CD164L2: variants seen among roughly 807,000 people sequenced by gnomAD.
CD164L2 encodes CD164 sialomucin-like 2 protein.
A neutral mutation model predicts 23.9 loss-of-function variants in CD164L2; 21 were observed. That is an observed-to-expected ratio of 0.88 (90% CI 0.62 to 1.27). The LOEUF is 1.27. CD164L2 is among the 50% of genes most tolerant of loss of function. The probability of loss-of-function intolerance (pLI) is 0.00; values close to 1 mark genes in which losing one functional copy is unlikely to be tolerated. For synonymous variants in CD164L2, 92 were observed against 90.2 expected (o/e 1.02, Z -0.11); for missense variants, 230 against 224.8 (o/e 1.02, Z -0.15).
chr1:27,380,038 G>T lies in CD164L2; in HGVS notation c.518+13C>A. The stretch of plus-strand genomic sequence containing the variant: ...GCTGGGACTCAGGTACTTGCTGCTG[G>T]CCAGGTACTCACAGCGTCTGGTAGG... On this transcript the variant is annotated intron_variant, in intron 5 of 5. Transcript: ENST00000374030. 6.2e-7 allele frequency: 1 copy of T among 1,612,900 alleles called. No individual in the cohort carries two copies. The highest frequency in any genetic ancestry group is 1.1e-5 in the South Asian group (1 of 90,942).
Position 27,379,441 on chromosome 1 carries a change from T to C in CD164L2, c.*62A>G. On this transcript the variant is annotated 3_prime_UTR_variant, in exon 6 of 6. Coordinates refer to ENST00000374030, the MANE Select transcript of CD164L2 (RefSeq NM_001330448.1). ...CCCGCCCCCCGCTTACCCACAAGGG[T>C]GCCCAGAGGCCACCCTCTGCATCCT... is the stretch of plus-strand genomic sequence containing the variant. 2 of 982,872 alleles carry C rather than the reference T, an allele frequency of 2.0e-6. No homozygotes were observed. The highest frequency in any genetic ancestry group is 3.0e-6 in the Non-Finnish European group (2 of 661,092). The allele number at this position is 982,872 out of a possible 1,614,324, so 60.9% of individuals were successfully genotyped here. A position where few individuals can be genotyped will look rare whatever the true frequency, so the allele number is the denominator to read the frequency against.
chr1:27,381,485 C>G (rs1423076562), intron 4 of CD164L2, among the ~76,000 whole-genome samples: 1 of 152,132 alleles, frequency 6.6e-6, no homozygotes, highest in African/African-American at 2.4e-5. Context: ...GGACAAGTCC[C>G]GAGGGGTGAC....
intron 1 of CD164L2, 76 bp downstream of exon 1, chr1:27,383,076 C>A: frequency 7.7e-7 from 1 of 1,294,662 alleles, no homozygotes; most frequent in Non-Finnish European, 1.1e-6. Context: ...CAGGCTGCTC[C>A]TGGGGAGACG....
In CD164L2 at chr1:27,379,355, G is replaced by T; in HGVS notation, c.*148C>A. ...GGACAGGAGGAGATGTCAGGCATCA[G>T]ACACTGAGCCTGCTTGGTGCCCGCA... On this transcript the variant is annotated 3_prime_UTR_variant, in exon 6 of 6. Transcript: ENST00000374030. The T allele has an allele frequency of 1.4e-6, 1 of 704,504 alleles. No individual in the cohort carries two copies. Among genetic ancestry groups the T allele is most frequent in the South Asian group, 1.7e-5 (1 of 60,490 alleles). 43.6% of individuals were successfully genotyped at this position (704,504 alleles called of 1,614,324 possible).
intron 5 of CD164L2, 140 bp downstream of exon 5, chr1:27,379,911 G>T: frequency 6.6e-7 from 1 of 1,516,298 alleles, no homozygotes; most frequent in Admixed American, 2.2e-5. Flanking sequence ...AAAGGGGTGT[G>T]GCTCACATGG....
rs770632263 is a variant in CD164L2 at position 27,381,815 on chromosome 1, T to C, written c.338A>G (p.His113Arg). 5 of 1,613,906 alleles carry C rather than the reference T, an allele frequency of 3.1e-6. No individual in the cohort carries two copies. In the African/African-American group the frequency reaches 5.3e-5, roughly 17 times the overall value. Residue 113 changes from histidine to arginine, a missense_variant, in exon 4 of 6, where the codon CAC (histidine) becomes CGC (arginine). Coordinates refer to ENST00000374030, the MANE Select transcript of CD164L2 (RefSeq NM_001330448.1). ...NRSEACPAAH[H>R]HPTYEPKTVT... is the part of the protein sequence containing the mutation. ...TGTCTTCGGTTCATAGGTGGGGTGG[T>C]GGTGAGCAGCTGAGGAGACAGGTGA...
At chr1:27,380,515 C>T (rs1463756392) in intron 4 of CD164L2, among the ~76,000 whole-genome samples, 3 of 152,210 alleles carry the variant, frequency 2.0e-5, no homozygotes, top group Admixed American at 6.5e-5. Context: ...TGGGCTCCCA[C>T]CCTCCCTGGG....
At chr1:27,382,217 C>T in intron 3 of CD164L2, 111 bp downstream of exon 3, 1 of 1,610,668 alleles carries the variant, frequency 6.2e-7, no homozygotes, top group South Asian at 1.1e-5. Flanking sequence ...ATACCGGGCC[C>T]AGGTATGGGT....
Position 27,382,534 on chromosome 1 carries a change from G to T in CD164L2, c.222C>A (p.Ser74Arg). 1 of 1,613,430 alleles carries T rather than the reference G, an allele frequency of 6.2e-7. No individual in the cohort carries two copies. Among genetic ancestry groups the T allele is most frequent in the Non-Finnish European group, 8.5e-7 (1 of 1,179,684 alleles). The change falls in exon 2 of 6, where the codon AGC becomes AGA. Residue 74 changes from serine to arginine, a missense_variant. Ser to Arg is a moderately radical substitution (Grantham distance 110). Coordinates refer to ENST00000374030, the MANE Select transcript of CD164L2 (RefSeq NM_001330448.1). ...CTGGCCGGCACTGCTCCCACACGCAGCTGGAGAGATTGCGCGCTCCGTCTC... is the reference window on the plus strand; with the variant it reads ...CTGGCCGGCACTGCTCCCACACGCATCTGGAGAGATTGCGCGCTCCGTCTC... ...VEGDGARNLSSCVWEQCRPEE... is the reference protein window; with the variant it reads ...VEGDGARNLSRCVWEQCRPEE...
chr1:27,379,594 G>A (rs1571096659), intron 5 of CD164L2, 85 bp from the exon 6 acceptor site: 2 of 1,550,274 alleles, frequency 1.3e-6, no homozygotes, highest in Admixed American at 3.9e-5. Context: ...GGCAGCAGAG[G>A]AAGAGCAAAC....
chr1:27,379,380 AGG>A lies in CD164L2; in HGVS notation c.*121_*122del. ...GACACTGAGCCTGCTTGGTGCCCGCAGGAGCCAAAAACTGGCGGCCAGAGTTT... is the reference window on the plus strand; with the variant it reads ...GACACTGAGCCTGCTTGGTGCCCGCAAGCCAAAAACTGGCGGCCAGAGTTT... On this transcript the variant is annotated 3_prime_UTR_variant, in exon 6 of 6. Coordinates refer to ENST00000374030, the MANE Select transcript of CD164L2 (RefSeq NM_001330448.1). 1 of 903,750 alleles carries A rather than the reference AGG, an allele frequency of 1.1e-6. No individual in the cohort carries two copies. The highest frequency in any genetic ancestry group is 1.5e-5 in the South Asian group (1 of 68,908). 56.0% of individuals were successfully genotyped at this position (903,750 alleles called of 1,614,324 possible). A position where few individuals can be genotyped will look rare whatever the true frequency, so the allele number is the denominator to read the frequency against.
In CD164L2 at chr1:27,382,392, A is replaced by T. The variant is rs1332667505; in HGVS notation, c.264T>A (p.Cys88Ter). 4 of 1,608,774 alleles carry T rather than the reference A, an allele frequency of 2.5e-6. No individual in the cohort carries two copies. The Admixed American group carries it at 6.7e-5, about 27-fold the overall frequency. Residue 88 changes from cysteine to a stop codon, truncating the protein, a stop_gained, in exon 3 of 6, where the codon TGT becomes TGA. Transcript: ENST00000374030. LOFTEE classifies it high-confidence loss of function. ...EQCRPEEPGH[C>*]VAQSEVVKEG... ...CCTTGACCACCTCAGATTGGGCCACACAGTGTCCTGGTGAGAGAAGGTGCA... is the reference window on the plus strand; with the variant it reads ...CCTTGACCACCTCAGATTGGGCCACTCAGTGTCCTGGTGAGAGAAGGTGCA...
chr1:27,382,774 C>T, intron 1 of CD164L2, 107 bp from the exon 2 acceptor site: 2 of 1,236,602 alleles, frequency 1.6e-6, no homozygotes, highest in Non-Finnish European at 2.2e-6. Context: ...CTGCACACAT[C>T]TGGGCTCTCA....
intron 4 of CD164L2, among the ~76,000 whole-genome samples, chr1:27,381,486 G>T (rs893767434): frequency 2.4e-4 from 37 of 152,280 alleles, no homozygotes; most frequent in African/African-American, 8.9e-4. Flanking sequence ...GACAAGTCCC[G>T]AGGGGTGACC....
Position 27,379,405 on chromosome 1 carries a change from T to C in CD164L2, c.*98A>G. ...AGGAGCCAAAAACTGGCGGCCAGAG[T>C]TTTTCCCGCCCCCGCCCCCCGCTTA... On this transcript the variant is annotated 3_prime_UTR_variant, in exon 6 of 6. Coordinates refer to ENST00000374030, the MANE Select transcript of CD164L2 (RefSeq NM_001330448.1). 2.7e-6 allele frequency: 3 copies of C among 1,113,648 alleles called. No homozygotes were observed. Among genetic ancestry groups the C allele is most frequent in the South Asian group, 1.4e-5 (1 of 73,382 alleles). 69.0% of individuals were successfully genotyped at this position (1,113,648 alleles called of 1,614,324 possible).
chr1:27,381,934 C>G lies in CD164L2; in HGVS notation c.329-110G>C, dbSNP rs544201267. The G allele has an allele frequency of 1.3e-4, 180 of 1,438,522 alleles. 1 individual carries two copies. In the South Asian group the frequency reaches 2.2e-3, roughly 18 times the overall value. The allele number at this position is 1,438,522 out of a possible 1,614,324, so 89.1% of individuals were successfully genotyped here. A position where few individuals can be genotyped will look rare whatever the true frequency, so the allele number is the denominator to read the frequency against. On this transcript the variant is annotated intron_variant, in intron 3 of 5. Coordinates refer to ENST00000374030, the MANE Select transcript of CD164L2 (RefSeq NM_001330448.1). ...TTCCGATTCAGATGCAGCCCTGTCC[C>G]TACTCTAGACATCCAACATACTTGC...
At chr1:27,381,859 T>C (rs761879257) in intron 3 of CD164L2, 35 bp from the exon 4 acceptor site, 1 of 1,612,816 alleles carries the variant, frequency 6.2e-7, no homozygotes, top group Admixed American at 1.7e-5. Context: ...AAAGCAGCCT[T>C]CCCACCCCCT....
In CD164L2 at chr1:27,379,413, G is replaced by GC; in HGVS notation, c.*89dup. 1.3e-6 allele frequency: 1 copy of GC among 745,916 alleles called. No homozygotes were observed. The highest frequency in any genetic ancestry group is 2.3e-6 in the Non-Finnish European group (1 of 440,722). The allele number at this position is 745,916 out of a possible 1,614,324, so 46.2% of individuals were successfully genotyped here. A position where few individuals can be genotyped will look rare whatever the true frequency, so the allele number is the denominator to read the frequency against. On this transcript the variant is annotated 3_prime_UTR_variant, in exon 6 of 6. Transcript: ENST00000374030. ...AAAACTGGCGGCCAGAGTTTTTCCCGCCCCCGCCCCCCGCTTACCCACAAG... is the reference window on the plus strand; with the variant it reads ...AAAACTGGCGGCCAGAGTTTTTCCCGCCCCCCGCCCCCCGCTTACCCACAAG...
chr1:27,383,248 G>T lies in CD164L2; in HGVS notation c.-9C>A. On this transcript the variant is annotated 5_prime_UTR_variant, in exon 1 of 6. Transcript: ENST00000374030. ...GGTCCCGGAGCCTCCATGGGCTCGC[G>T]GGGTGGGGGTGGCCGGGGGCGGTGG... The T allele has an allele frequency of 6.5e-7, 1 of 1,532,974 alleles. No individual in the cohort carries two copies. The allele number at this position is 1,532,974 out of a possible 1,614,324, so 95.0% of individuals were successfully genotyped here.
Sources: gnomAD v4.1 joint callset for allele counts (sites outside exome capture counted in the v4.1 genomes callset) on GRCh38, gnomAD v4.1.1 for gene constraint, MANE v1.5 for transcripts, NCBI Gene and HGNC (gene_info 2026-07-23, HGNC 2026-07-21) for gene names.